The following UBE3D variants were observed in gnomAD, a reference collection of about 807,000 sequenced individuals.
UBE3D encodes E3 ubiquitin-protein ligase E3D.
A neutral mutation model predicts 49.6 loss-of-function variants in UBE3D; 48 were observed. The observed-to-expected ratio is 0.97, with a 90% CI of 0.77 to 1.23. UBE3D has a LOEUF of 1.23. UBE3D is among the 50% of genes most tolerant of loss of function. UBE3D has a pLI of 0.00. For synonymous variants in UBE3D, 189 were observed against 174.2 expected (o/e 1.08, Z -0.67); for missense variants, 452 against 468.4 (o/e 0.96, Z 0.32).
chr6:83,005,600 T>C (rs185689523), intron 8 of UBE3D, among the ~76,000 whole-genome samples: 2 of 147,428 alleles, frequency 1.4e-5, no homozygotes, highest in South Asian at 2.2e-4. Context: ...CTGGGCAACA[T>C]AGTAAGGTGC....
chr6:82,971,956 T>C (rs1359972271), intron 8 of UBE3D, among the ~76,000 whole-genome samples: 2 of 152,200 alleles, frequency 1.3e-5, no homozygotes, highest in Admixed American at 1.3e-4. Flanking sequence ...ATAGGTTCTC[T>C]TCATTTTTCA....
rs889116345 is a variant in UBE3D at position 83,044,844 on chromosome 6, C to G, written c.366-185G>C. On this transcript the variant is annotated intron_variant, in intron 3 of 9. Transcript: ENST00000369747. The stretch of plus-strand genomic sequence containing the variant: ...TTTTGAAAATGCAAGGAGGTATAAA[C>G]AAGGAAAAATCATCCTTTATCTCAC... Among the ~76,000 whole-genome samples the G allele has an allele frequency of 2.0e-5, 3 of 152,112 alleles. No individual in the cohort carries two copies. The East Asian group carries it at 5.8e-4, about 29-fold the overall frequency.
rs554663547 is a variant in UBE3D at position 83,018,904 on chromosome 6, T to C, written c.1010+69A>G. 40 of 1,572,420 alleles carry C rather than the reference T, an allele frequency of 2.5e-5. No individual in the cohort carries two copies. In the African/African-American group the frequency reaches 4.8e-4, roughly 19 times the overall value. ...GTATAGTGGCATTTAATTCATTAAT[T>C]TCTTAACACCAACATGACAACAAAA... is the stretch of plus-strand genomic sequence containing the variant. On this transcript the variant is annotated intron_variant, in intron 8 of 9. Coordinates refer to ENST00000369747, the MANE Select transcript of UBE3D (RefSeq NM_198920.3).
chr6:82,932,488 A>G (rs1774236355), intron 9 of UBE3D: 1 of 152,094 alleles, frequency 6.6e-6, no homozygotes, highest in Admixed American at 6.5e-5. Context: ...TTTTCCCAGC[A>G]TTTTAAACTT....
rs193106264 is a variant in UBE3D, at chr6:83,030,274, A to G, written c.668-6236T>C. On this transcript the variant is annotated intron_variant, in intron 5 of 9. Coordinates refer to ENST00000369747, the MANE Select transcript of UBE3D (RefSeq NM_198920.3). The stretch of plus-strand genomic sequence containing the variant: ...CCACCCAAATCTCATCTTAAACTGT[A>G]GCTCCCATAATTGCCATGTATCATG... 6.6e-5 allele frequency among the ~76,000 whole-genome samples: 10 copies of G among 152,294 alleles called. No homozygotes were observed. The East Asian group carries it at 1.7e-3, about 26-fold the overall frequency.
At chr6:82,967,537 T>A (rs1388700467) in intron 8 of UBE3D, among the ~76,000 whole-genome samples, 1 of 152,230 alleles carries the variant, frequency 6.6e-6, no homozygotes, top group African/African-American at 2.4e-5. Flanking sequence ...TTTTGTTATT[T>A]CAAGAATGTT....
At chr6:83,039,823 T>C (rs926166587) in intron 4 of UBE3D, among the ~76,000 whole-genome samples, 6 of 152,040 alleles carry the variant, frequency 3.9e-5, no homozygotes, top group African/African-American at 1.4e-4. Flanking sequence ...TTTGTAGTTA[T>C]AGTAGAGATG....
At chr6:82,997,574 C>A (rs1052630273) in intron 8 of UBE3D, among the ~76,000 whole-genome samples, 1 of 152,010 alleles carries the variant, frequency 6.6e-6, no homozygotes, top group Non-Finnish European at 1.5e-5. Context: ...AAAAAATTAG[C>A]CAGGCATGGT....
chr6:83,033,926 G>A (rs934278668), intron 5 of UBE3D, among the ~76,000 whole-genome samples: 5 of 152,260 alleles, frequency 3.3e-5, no homozygotes, highest in Admixed American at 1.3e-4. Context: ...TCCTGCCTAA[G>A]TTGGGAAGAT....
chr6:82,967,879 G>A (rs1390920362), intron 8 of UBE3D, among the ~76,000 whole-genome samples: 1 of 152,000 alleles, frequency 6.6e-6, no homozygotes, highest in Admixed American at 6.6e-5. Flanking sequence ...CTGGCCTCAA[G>A]CAATCCTCCC....
chr6:82,931,490 G>T (rs974803594), intron 9 of UBE3D, among the ~76,000 whole-genome samples: 8 of 152,230 alleles, frequency 5.3e-5, no homozygotes, highest in African/African-American at 1.9e-4. Context: ...GAGGGGGGCT[G>T]TACCCTGCAA....
At chr6:83,037,265 C>T (rs1782329718) in intron 5 of UBE3D, 1 of 152,416 alleles carries the variant, frequency 6.6e-6, no homozygotes, top group East Asian at 1.9e-4. Flanking sequence ...CTGCAGCTCC[C>T]TCCAGGCTGC....
At chr6:83,000,453 G>T (rs1422184250) in intron 8 of UBE3D, among the ~76,000 whole-genome samples, 1 of 151,966 alleles carries the variant, frequency 6.6e-6, no homozygotes, top group East Asian at 1.9e-4. Flanking sequence ...CAAATCTATT[G>T]CAGCTACCAT....
In UBE3D at chr6:83,038,433, C is replaced by T. The variant is rs767927719; in HGVS notation, c.650G>A (p.Gly217Glu). Reference protein sequence around the residue: ...VICKRCKVMLGETVSSETTKF... With the variant: ...VICKRCKVMLEETVSSETTKF... ...ATTCTTACCTGATGACACGGTCTCT[C>T]CCAACATTACCTTGCAACGCTTACA... Residue 217 changes from glycine (G) to glutamate (E), a missense_variant, in exon 5 of 10, where the codon GGA becomes GAA. Coordinates refer to ENST00000369747, the MANE Select transcript of UBE3D (RefSeq NM_198920.3). The T allele has an allele frequency of 6.2e-7, 1 of 1,611,998 alleles. No individual in the cohort carries two copies. Among genetic ancestry groups the T allele is most frequent in the South Asian group, 1.1e-5 (1 of 90,366 alleles).
chr6:82,963,804 C>T (rs1562128179), intron 8 of UBE3D, among the ~76,000 whole-genome samples: 1 of 152,154 alleles, frequency 6.6e-6, no homozygotes, highest in Non-Finnish European at 1.5e-5. Flanking sequence ...ACTGAGTTGA[C>T]ATTCAGTATG....
intron 9 of UBE3D, among the ~76,000 whole-genome samples, chr6:82,900,810 A>G (rs1392674670): frequency 1.3e-5 from 2 of 152,040 alleles, no homozygotes; most frequent in Non-Finnish European, 2.9e-5. Flanking sequence ...TTTTAAGAGA[A>G]AGGGATAAAG....
intron 8 of UBE3D, among the ~76,000 whole-genome samples, chr6:82,994,840 G>A (rs1172078133): frequency 6.6e-6 from 1 of 152,192 alleles, no homozygotes; most frequent in Non-Finnish European, 1.5e-5. Context: ...TATTTGCCAG[G>A]AATGGTAATG....
At chr6:83,040,032 G>A (rs1582718274) in intron 4 of UBE3D, among the ~76,000 whole-genome samples, 1 of 152,230 alleles carries the variant, frequency 6.6e-6, no homozygotes, top group Non-Finnish European at 1.5e-5. Flanking sequence ...ACTTTTATTT[G>A]AGGTGTGTTT....
chr6:83,015,616 T>G (rs962439900), intron 8 of UBE3D, among the ~76,000 whole-genome samples: 3 of 152,186 alleles, frequency 2.0e-5, no homozygotes, highest in Non-Finnish European at 4.4e-5. Context: ...AGCAGTTATT[T>G]TCGAGTGTAA....
Sources: allele counts gnomAD v4.1 joint callset (sites outside exome capture counted in the v4.1 genomes callset), GRCh38; gene constraint gnomAD v4.1.1; transcripts MANE v1.5; gene names NCBI Gene and HGNC (gene_info 2026-07-23, HGNC 2026-07-21).